IGFN1: variants seen among roughly 807,000 people sequenced by gnomAD.
The protein encoded by IGFN1 is immunoglobulin-like and fibronectin type III domain-containing protein 1.
In IGFN1, 253 loss-of-function variants were observed where a neutral mutation model predicts 289.5. That is an observed-to-expected ratio of 0.87 (90% CI 0.79 to 0.97). The LOEUF (loss-of-function observed/expected upper bound fraction) is 0.97, where lower values mean the gene tolerates loss of function less well. Among genes scored for constraint, IGFN1 ranks in the 50% least tolerant of loss-of-function variants. The pLI is 0.00. For synonymous variants in IGFN1, 1,706 were observed against 1,788.5 expected (o/e 0.95, Z 1.16); for missense variants, 4,470 against 4,686.1 (o/e 0.95, Z 1.35).
chr1:201,225,907 G>A lies in IGFN1; in HGVS notation c.10570G>A (p.Glu3524Lys), dbSNP rs1368751714. 7 of 1,610,820 alleles carry A rather than the reference G, an allele frequency of 4.3e-6. No homozygotes were observed. The highest frequency in any genetic ancestry group is 2.2e-5 in the East Asian group (1 of 44,874). The change falls in exon 22 of 24, where the codon GAG becomes AAG. Residue 3524 changes from glutamate to lysine, a missense_variant. By Grantham distance (56) the Glu-to-Lys change is moderately conservative (BLOSUM62 1). This residue lies in a region of IGFN1 where 2,218 missense variants were observed against 2,114.1 expected (regional missense o/e 1.05). Coordinates refer to ENST00000335211, the MANE Select transcript of IGFN1 (RefSeq NM_001164586.2). The part of the protein sequence containing the change: ...VTAEWEPSPD[E>K]AQDVPLHYAV... The stretch of plus-strand genomic sequence containing the variant: ...GGCCGAGTGGGAACCCTCTCCTGAC[G>A]AGGCCCAGGATGTCCCGCTGCACTA...
At chr1:201,197,156 G>A (rs531207917) in intron 4 of IGFN1, 62 bp from the exon 5 acceptor site, 73 of 982,910 alleles carry the variant, frequency 7.4e-5, no homozygotes, top group Non-Finnish European at 1.1e-4. Flanking sequence ...ACATAGCCGT[G>A]TCTAGTAAAT....
intron 15 of IGFN1, chr1:201,216,049 G>T: frequency 1.4e-6 from 1 of 724,538 alleles, no homozygotes; most frequent in Non-Finnish European, 2.5e-6. Flanking sequence ...TGCTGGGGGG[G>T]AGGAGCCGGT....
At chr1:201,217,218 C>G in intron 16 of IGFN1, 69 bp from the exon 17 acceptor site, 1 of 1,449,368 alleles carries the variant, frequency 6.9e-7, no homozygotes. Flanking sequence ...GCCCCCTACC[C>G]CCAGGGGCTC....
At chr1:201,197,099 G>A in intron 4 of IGFN1, 119 bp from the exon 5 acceptor site, 1 of 602,928 alleles carries the variant, frequency 1.7e-6, no homozygotes, top group South Asian at 2.3e-5. Context: ...AAGACTGTGA[G>A]CTCCATGAGG....
At chr1:201,216,180 A>G (rs1653250512) in intron 15 of IGFN1, 2 of 602,842 alleles carry the variant, frequency 3.3e-6, no homozygotes, top group Non-Finnish European at 6.0e-6. Context: ...TGCCCATACC[A>G]GCCACCGGAC....
In IGFN1 at chr1:201,205,294, A is replaced by G. The variant is rs1284676983; in HGVS notation, c.1129A>G (p.Met377Val). ...LVVRGARFSDMGPYSLGTGLY... is the reference protein window; with the variant it reads ...LVVRGARFSDVGPYSLGTGLY... Reference sequence around the variant, plus strand: ...GGTGAGGGGGGCACGTTTCTCAGACATGGGCCCCTATTCGCTGGGCACCGG... The same window carrying G: ...GGTGAGGGGGGCACGTTTCTCAGACGTGGGCCCCTATTCGCTGGGCACCGG... The change falls in exon 11 of 24, where the codon ATG (methionine) becomes GTG (valine). Residue 377 changes from methionine (M) to valine (V), a missense_variant. Physicochemically the swap from Met to Val is conservative, Grantham distance 21 (BLOSUM62 1). Around this residue, in one of 8 missense-constraint regions of IGFN1, gnomAD observed 2,011 missense variants for 1,953.4 expected, o/e 1.03. Coordinates refer to ENST00000335211, the MANE Select transcript of IGFN1 (RefSeq NM_001164586.2). 1 of 1,521,136 alleles carries G rather than the reference A, an allele frequency of 6.6e-7. No homozygotes were observed. Among genetic ancestry groups the G allele is most frequent in the African/African-American group, 1.5e-5 (1 of 65,682 alleles). The allele number at this position is 1,521,136 out of a possible 1,614,324, so 94.2% of individuals were successfully genotyped here.
chr1:201,215,967 T>G (rs1382545929), intron 15 of IGFN1, 129 bp downstream of exon 15: 2 of 925,074 alleles, frequency 2.2e-6, no homozygotes, highest in Admixed American at 2.0e-5. Flanking sequence ...CTGTTTAAGA[T>G]CCAGACCTAC....
chr1:201,214,338 G>C (rs1653030275), intron 13 of IGFN1, 37 bp downstream of exon 13: 1 of 1,571,212 alleles, frequency 6.4e-7, no homozygotes. Flanking sequence ...TTACCAGTGG[G>C]AGGGACAGAG....
At chr1:201,216,177 A>G in intron 15 of IGFN1, 1 of 601,094 alleles carries the variant, frequency 1.7e-6, no homozygotes, top group Non-Finnish European at 3.0e-6. Flanking sequence ...AGGTGCCCAT[A>G]CCAGCCACCG....
Position 201,218,839 on chromosome 1 carries a change from C to T in IGFN1, c.9898+181C>T, listed in dbSNP as rs113626807. On this transcript the variant is annotated intron_variant, in intron 18 of 23. Coordinates refer to ENST00000335211, the MANE Select transcript of IGFN1 (RefSeq NM_001164586.2). ...GGTGAGCCACATCTTAGGGGCCCTA[C>T]GTGAGCTCAAACAGGCCCAGAAGCC... Among the ~76,000 whole-genome samples, 241 of 152,140 alleles carry T rather than the reference C, an allele frequency of 1.6e-3. 1 individual carries two copies. Among genetic ancestry groups the T allele is most frequent in the African/African-American group, 5.6e-3 (231 of 41,508 alleles).
At chr1:201,217,673 A>C (rs1558156303) in intron 17 of IGFN1, among the ~76,000 whole-genome samples, 1 of 152,188 alleles carries the variant, frequency 6.6e-6, no homozygotes, top group African/African-American at 2.4e-5. Context: ...AACCTCCTAC[A>C]GTATACAGGA....
In IGFN1 at chr1:201,211,224, G is replaced by T. The variant is rs1314453746; in HGVS notation, c.6331G>T (p.Gly2111Trp). The change falls in exon 12 of 24, where the codon GGG (glycine) becomes TGG (tryptophan). Residue 2111 changes from glycine to tryptophan, a missense_variant. Around this residue, in one of 8 missense-constraint regions of IGFN1, gnomAD observed 2,218 missense variants for 2,114.1 expected, o/e 1.05. Coordinates refer to ENST00000335211, the MANE Select transcript of IGFN1 (RefSeq NM_001164586.2). ...MDEAGYRKDLGAPEGIGSGSK... is the reference protein window; with the variant it reads ...MDEAGYRKDLWAPEGIGSGSK... ...TGAGGCAGGTTATAGGAAGGATTTG[G>T]GGGCTCCTGAGGGAATAGGTTCAGG... 4.0e-5 allele frequency: 61 copies of T among 1,533,452 alleles called. No individual in the cohort carries two copies. Among genetic ancestry groups the T allele is most frequent in the South Asian group, 8.3e-5 (7 of 83,868 alleles). 95.0% of individuals were successfully genotyped at this position (1,533,452 alleles called of 1,614,324 possible).
At chr1:201,202,104 G>A (rs536215712) in intron 9 of IGFN1, among the ~76,000 whole-genome samples, 5 of 152,302 alleles carry the variant, frequency 3.3e-5, no homozygotes, top group African/African-American at 1.2e-4. Flanking sequence ...CAGAGCACGG[G>A]GGTGAAAAGA....
chr1:201,195,081 T>C (rs832155), intron 3 of IGFN1, among the ~76,000 whole-genome samples: 151,351 of 152,170 alleles, frequency 0.99, 75,272 homozygotes, highest in East Asian at 1. Flanking sequence ...CACCAAATAG[T>C]CACTCCTTCT....
At position 201,211,536 on chromosome 1, in the gene IGFN1, A is replaced by C. The variant is rs1667797972; in HGVS notation, c.6643A>C (p.Arg2215=). 1 of 1,521,900 alleles carries C rather than the reference A, an allele frequency of 6.6e-7. No individual in the cohort carries two copies. Among genetic ancestry groups the C allele is most frequent in the Non-Finnish European group, 8.8e-7 (1 of 1,138,882 alleles). The allele number at this position is 1,521,900 out of a possible 1,614,324, so 94.3% of individuals were successfully genotyped here. A position where few individuals can be genotyped will look rare whatever the true frequency, so the allele number is the denominator to read the frequency against. ...EMGSVNKAGY[R]KDLGAPKGMG... ...GGGGTCAGTGAATAAGGCAGGTTATAGGAAGGATTTGGGGGCTCCTAAGGG... is the reference window on the plus strand; with the variant it reads ...GGGGTCAGTGAATAAGGCAGGTTATCGGAAGGATTTGGGGGCTCCTAAGGG... Residue 2215 remains arginine, a synonymous_variant, in exon 12 of 24, where the codon AGG becomes CGG. Coordinates refer to ENST00000335211, the MANE Select transcript of IGFN1 (RefSeq NM_001164586.2).
rs1030373315 is a variant in IGFN1 at position 201,203,790 on chromosome 1, G to C, written c.800G>C (p.Arg267Pro). 42 of 1,551,732 alleles carry C rather than the reference G, an allele frequency of 2.7e-5. No homozygotes were observed. The African/African-American group carries it at 5.1e-4, about 19-fold the overall frequency. ...AACAACCAAACCAAGCACTGTCTGCGCCGGCTGGGGAAGCGCTATGAGTTC... is the reference window on the plus strand; with the variant it reads ...AACAACCAAACCAAGCACTGTCTGCCCCGGCTGGGGAAGCGCTATGAGTTC... ...GFNNQTKHCLRRLGKRYEFQI... is the reference protein window; with the variant it reads ...GFNNQTKHCLPRLGKRYEFQI... Residue 267 changes from arginine to proline, a missense_variant, in exon 10 of 24, where the codon CGC becomes CCC. By Grantham distance (103) the Arg-to-Pro change is moderately radical (BLOSUM62 -2). This residue lies in a region of IGFN1 where 2,011 missense variants were observed against 1,953.4 expected (regional missense o/e 1.03). Coordinates refer to ENST00000335211, the MANE Select transcript of IGFN1 (RefSeq NM_001164586.2).
chr1:201,227,068 C>T lies in IGFN1; in HGVS notation c.10973C>T (p.Pro3658Leu). The change falls in exon 23 of 24, where the codon CCC becomes CTC. Residue 3658 changes from proline to leucine, a missense_variant. By Grantham distance (98) the Pro-to-Leu change is moderately conservative (BLOSUM62 -3). This residue lies in a region of IGFN1 where 2,218 missense variants were observed against 2,114.1 expected (regional missense o/e 1.05). Transcript: ENST00000335211. ...AATGACCGCAGCCTGGAAGGAAACC[C>T]CGCGGTGTACAGCACTGACCTGCTG... ...FKNDRSLEGN[P>L]AVYSTDLLGV... 6.2e-7 allele frequency: 1 copy of T among 1,613,688 alleles called. No individual in the cohort carries two copies. Among genetic ancestry groups the T allele is most frequent in the East Asian group, 2.2e-5 (1 of 44,884 alleles).
At chr1:201,201,273 A>G (rs1667140661) in intron 8 of IGFN1, among the ~76,000 whole-genome samples, 1 of 152,232 alleles carries the variant, frequency 6.6e-6, no homozygotes. Flanking sequence ...TTTCTTCTGA[A>G]AATGGAAAAC....
In IGFN1 at chr1:201,221,806, C is replaced by T. The variant is rs1653759330; in HGVS notation, c.10201+60C>T. 28 of 1,432,410 alleles carry T rather than the reference C, an allele frequency of 2.0e-5. No homozygotes were observed. In the South Asian group the frequency reaches 3.7e-4, roughly 19 times the overall value. The allele number at this position is 1,432,410 out of a possible 1,614,324, so 88.7% of individuals were successfully genotyped here. A position where few individuals can be genotyped will look rare whatever the true frequency, so the allele number is the denominator to read the frequency against. On this transcript the variant is annotated intron_variant, in intron 19 of 23. Coordinates refer to ENST00000335211, the MANE Select transcript of IGFN1 (RefSeq NM_001164586.2). ...TGCAGGCCTCTCCTAAGAGGGGGCCCCTGAGTAGCCGCAATGCACTTACTA... is the reference window on the plus strand; with the variant it reads ...TGCAGGCCTCTCCTAAGAGGGGGCCTCTGAGTAGCCGCAATGCACTTACTA...
Sources: gnomAD v4.1 joint callset for allele counts (sites outside exome capture counted in the v4.1 genomes callset) on GRCh38, gnomAD v4.1.1 for gene constraint, gnomAD v4.1.1 regional missense constraint, MANE v1.5 for transcripts, NCBI Gene and HGNC (gene_info 2026-07-23, HGNC 2026-07-21) for gene names.